RGS7: variants seen among roughly 807,000 people sequenced by gnomAD.
RGS7 encodes the protein regulator of G protein signaling 7, also known as regulator of G-protein signaling 7.
Under a neutral mutation model 81.1 loss-of-function variants are expected in RGS7, and 27 were observed. The ratio of observed to expected loss-of-function variants is 0.33; its 90% CI spans 0.25 to 0.46. The LOEUF (loss-of-function observed/expected upper bound fraction) is 0.46. RGS7 is among the 20% of genes least tolerant of loss of function. The probability of loss-of-function intolerance (pLI) is 1.00; values close to 1 mark genes in which losing one functional copy is unlikely to be tolerated. For synonymous variants in RGS7, 208 were observed against 207.7 expected (o/e 1.00, Z -0.01); for missense variants, 396 against 607.4 (o/e 0.65, Z 3.66).
intron 6 of RGS7, among the ~76,000 whole-genome samples, chr1:240,907,161 A>C (rs1670954928): frequency 6.6e-6 from 1 of 152,182 alleles, no homozygotes; most frequent in Non-Finnish European, 1.5e-5. Flanking sequence ...AAGAAAGTCA[A>C]GGTTTAACAC....
chr1:241,166,072 G>A (rs1387674442), intron 2 of RGS7, among the ~76,000 whole-genome samples: 1 of 152,212 alleles, frequency 6.6e-6, no homozygotes, highest in African/African-American at 2.4e-5. Context: ...AGAAGCTCAT[G>A]TCTGGAGAAC....
intron 18 of RGS7, among the ~76,000 whole-genome samples, chr1:240,794,529 T>C (rs367845725): frequency 5.3e-5 from 8 of 152,244 alleles, no homozygotes; most frequent in African/African-American, 1.9e-4. Context: ...TTTCTTTTTA[T>C]TTGTCCTAGG....
chr1:240,856,820 T>TC (rs1661217033), intron 9 of RGS7, among the ~76,000 whole-genome samples: 1 of 152,230 alleles, frequency 6.6e-6, no homozygotes, highest in African/African-American at 2.4e-5. Context: ...AAAATATTTC[T>TC]CTTATGATTA....
rs547135903 is a variant in RGS7 at position 240,899,471 on chromosome 1, G to A, written c.386-29352C>T. Among the ~76,000 whole-genome samples, 6 of 152,262 alleles carry A rather than the reference G, an allele frequency of 3.9e-5. No individual in the cohort carries two copies. The South Asian group carries it at 1.2e-3, about 32-fold the overall frequency. ...TGCTTCCTTCAGGAGCTCTTATAAGGCAGGCCTGGTGGTGACAAAATCTCT... is the reference window on the plus strand; with the variant it reads ...TGCTTCCTTCAGGAGCTCTTATAAGACAGGCCTGGTGGTGACAAAATCTCT... On this transcript the variant is annotated intron_variant, in intron 6 of 18. Transcript: ENST00000440928.
chr1:241,329,629 A>G (rs148031504), intron 2 of RGS7, among the ~76,000 whole-genome samples: 2,803 of 152,310 alleles, frequency 0.018, 38 homozygotes, highest in Middle Eastern at 0.048. Flanking sequence ...GTTATTCCAT[A>G]ATGACCATAA....
At chr1:241,002,445 C>T (rs1025295429) in intron 3 of RGS7, among the ~76,000 whole-genome samples, 4 of 64,790 alleles carry the variant, frequency 6.2e-5, no homozygotes, top group African/African-American at 2.1e-4. Flanking sequence ...AAGAGTGAAA[C>T]TCTGTCTCAA....
chr1:241,257,546 A>G (rs1185844043), intron 2 of RGS7, among the ~76,000 whole-genome samples: 1 of 152,208 alleles, frequency 6.6e-6, no homozygotes, highest in Non-Finnish European at 1.5e-5. Context: ...AATTTGCAAC[A>G]CTGTGCCCAA....
chr1:240,954,682 T>A (rs1680074819), intron 4 of RGS7, among the ~76,000 whole-genome samples: 1 of 152,044 alleles, frequency 6.6e-6, no homozygotes, highest in Non-Finnish European at 1.5e-5. Context: ...CTCTCTAACA[T>A]CAGAAATAAG....
chr1:241,113,283 G>A (rs2065659356), intron 2 of RGS7, among the ~76,000 whole-genome samples: 1 of 152,150 alleles, frequency 6.6e-6, no homozygotes, highest in Non-Finnish European at 1.5e-5. Flanking sequence ...CTAGATATCT[G>A]TGACTATTAT....
chr1:241,110,145 T>A (rs1490400372), intron 2 of RGS7, among the ~76,000 whole-genome samples: 1 of 152,212 alleles, frequency 6.6e-6, no homozygotes, highest in Non-Finnish European at 1.5e-5. Context: ...ACTAAACTAG[T>A]CTACCTCCAA....
At chr1:240,958,429 T>C (rs557934552) in intron 4 of RGS7, among the ~76,000 whole-genome samples, 1 of 152,350 alleles carries the variant, frequency 6.6e-6, no homozygotes, top group Admixed American at 6.5e-5. Context: ...GACACATCTT[T>C]TCATCACTTC....
At position 240,986,621 on chromosome 1, in the gene RGS7, G is replaced by T. The variant is rs1451413660; in HGVS notation, c.176-3492C>A. Among the ~76,000 whole-genome samples the T allele has an allele frequency of 2.0e-3, 2 of 998 alleles. 1 individual carries two copies. Among genetic ancestry groups the T allele is most frequent in the Non-Finnish European group, 3.2e-3 (2 of 626 alleles). 0.7% of individuals were successfully genotyped at this position (998 alleles called of 152,430 possible). On this transcript the variant is annotated intron_variant, in intron 3 of 18. Coordinates refer to ENST00000440928, the MANE Select transcript of RGS7 (RefSeq NM_001364886.1). ...TTTTTTGAGACGGAGTCTCGCTGTC[G>T]CCCAGGCTGGAGTGCAGTGGCGCAA...
At chr1:241,140,864 T>A (rs540553435) in intron 2 of RGS7, among the ~76,000 whole-genome samples, 1 of 152,174 alleles carries the variant, frequency 6.6e-6, no homozygotes, top group Non-Finnish European at 1.5e-5. Context: ...TAACTTAAAG[T>A]AGTTTCTTCA....
chr1:240,996,389 T>A (rs930948939), intron 3 of RGS7, among the ~76,000 whole-genome samples: 1 of 152,218 alleles, frequency 6.6e-6, no homozygotes, highest in Non-Finnish European at 1.5e-5. Flanking sequence ...CAGTTACTGA[T>A]AAAGGAGTGT....
intron 3 of RGS7, among the ~76,000 whole-genome samples, chr1:241,003,817 C>T (rs2058545198): frequency 6.6e-6 from 1 of 152,112 alleles, no homozygotes; most frequent in Non-Finnish European, 1.5e-5. Flanking sequence ...AGCACAATCT[C>T]GGCTCACTGC....
chr1:240,907,929 A>G (rs1049935059), intron 6 of RGS7, among the ~76,000 whole-genome samples: 2 of 152,130 alleles, frequency 1.3e-5, no homozygotes, highest in Non-Finnish European at 2.9e-5. Context: ...GTTTTGATTT[A>G]AATTATAAAC....
At chr1:241,026,132 C>T (rs57990096) in intron 3 of RGS7, among the ~76,000 whole-genome samples, 7,902 of 152,314 alleles carry the variant, frequency 0.052, 252 homozygotes, top group African/African-American at 0.095. Context: ...CACTGGAATA[C>T]AAGCTCTGCA....
chr1:241,215,239 T>A (rs1349802820), intron 2 of RGS7, among the ~76,000 whole-genome samples: 1 of 152,228 alleles, frequency 6.6e-6, no homozygotes, highest in Admixed American at 6.5e-5. Flanking sequence ...AGGATATGTC[T>A]ATTTTAGTTA....
At chr1:241,063,338 T>C (rs1187110250) in intron 3 of RGS7, among the ~76,000 whole-genome samples, 1 of 151,694 alleles carries the variant, frequency 6.6e-6, no homozygotes, top group East Asian at 1.9e-4. Flanking sequence ...GAAGTGGAGG[T>C]TCAATCACTA....
Sources: gnomAD v4.1 joint callset for allele counts (sites outside exome capture counted in the v4.1 genomes callset) on GRCh38, gnomAD v4.1.1 for gene constraint, MANE v1.5 for transcripts, NCBI Gene and HGNC (gene_info 2026-07-23, HGNC 2026-07-21) for gene names.